Variants in GNG7 observed in about 807,000 individuals in gnomAD.
GNG7 encodes guanine nucleotide-binding protein G(I)/G(S)/G(O) subunit gamma-7.
In GNG7, 1 loss-of-function variant was observed where a neutral mutation model predicts 4.0. The ratio of observed to expected loss-of-function variants is 0.25; its 90% CI spans 0.09 to 1.18. The LOEUF (loss-of-function observed/expected upper bound fraction) is 1.18. Ranked by LOEUF, GNG7 falls within the 50% of genes most tolerant of loss-of-function variation. The probability of loss-of-function intolerance (pLI) is 0.50; values close to 1 mark genes in which losing one functional copy is unlikely to be tolerated. For synonymous variants in GNG7, 34 were observed against 36.9 expected (o/e 0.92, Z 0.29); for missense variants, 86 against 91.9 (o/e 0.94, Z 0.26).
chr19:2,683,028 C>T (rs191979790), intron 1 of GNG7, among the ~76,000 whole-genome samples: 152 of 151,930 alleles, frequency 1.0e-3, no homozygotes, highest in African/African-American at 3.5e-3. Context: ...GTCAGGAGAT[C>T]GAGACCAGCC....
intron 2 of GNG7, chr19:2,643,880 G>A (rs1409832977): frequency 1.5e-5 from 5 of 341,118 alleles, no homozygotes; most frequent in South Asian, 9.1e-5. Flanking sequence ...GCCTCCAGGC[G>A]ACCTCTGATC....
At chr19:2,523,404 T>A (rs1978320132) in intron 3 of GNG7, among the ~76,000 whole-genome samples, 1 of 151,714 alleles carries the variant, frequency 6.6e-6, no homozygotes, top group African/African-American at 2.4e-5. Flanking sequence ...ATTAGAAAAT[T>A]AGCTGGGCAT....
intron 2 of GNG7, among the ~76,000 whole-genome samples, chr19:2,586,929 G>A (rs981279812): frequency 2.1e-5 from 3 of 143,248 alleles, no homozygotes; most frequent in Non-Finnish European, 4.5e-5. Context: ...AGGTTGCAGT[G>A]AGCAGAGATT....
intron 1 of GNG7, among the ~76,000 whole-genome samples, chr19:2,687,504 T>C (rs1422789601): frequency 2.0e-5 from 3 of 151,670 alleles, no homozygotes; most frequent in Non-Finnish European, 4.4e-5. Flanking sequence ...TAATCCCAGC[T>C]AGTTGGGAGG....
chr19:2,575,919 A>G (rs1980319247), intron 2 of GNG7, among the ~76,000 whole-genome samples: 1 of 146,520 alleles, frequency 6.8e-6, no homozygotes, highest in South Asian at 2.1e-4. Context: ...AGGCATACAC[A>G]GACACACAGG....
chr19:2,690,492 C>T (rs1913112935), intron 1 of GNG7, among the ~76,000 whole-genome samples: 1 of 152,206 alleles, frequency 6.6e-6, no homozygotes, highest in African/African-American at 2.4e-5. Context: ...GTTACTGACT[C>T]CTGGACTGGA....
chr19:2,700,392 C>A (rs867314673), intron 1 of GNG7, among the ~76,000 whole-genome samples: 2 of 152,214 alleles, frequency 1.3e-5, no homozygotes, highest in Non-Finnish European at 2.9e-5. Context: ...ATCCACCCGC[C>A]TCGGCCTCCC....
intron 1 of GNG7, among the ~76,000 whole-genome samples, chr19:2,679,404 A>G (rs1441322929): frequency 6.6e-6 from 1 of 152,144 alleles, no homozygotes; most frequent in African/African-American, 2.4e-5. Flanking sequence ...GATTCCAGCA[A>G]TAACAGTGAT....
At chr19:2,631,880 C>G (rs1257979841) in intron 2 of GNG7, 1 of 152,234 alleles carries the variant, frequency 6.6e-6, no homozygotes, top group Non-Finnish European at 1.5e-5. Context: ...TAAAATGAAG[C>G]CGACTGACCC....
chr19:2,569,497 G>A (rs181137257), intron 2 of GNG7, among the ~76,000 whole-genome samples: 43 of 152,166 alleles, frequency 2.8e-4, no homozygotes, highest in African/African-American at 9.6e-4. Flanking sequence ...GGATGGTCTC[G>A]ATCTCCTGAC....
Position 2,634,388 on chromosome 19 carries a change from G to A in GNG7, c.-78+11836C>T, listed in dbSNP as rs1184297964. The stretch of plus-strand genomic sequence containing the variant: ...CCAGAAATTGCTCAGTGTCCCCGGG[G>A]TTGGGGGTGGGGGGCGGCATCACCC... On this transcript the variant is annotated intron_variant, in intron 2 of 4. Transcript: ENST00000382159. This position sits in a 1 kb window ranked among gnomAD's most constrained non-coding sequence, Gnocchi z 5.3. 1.3e-5 allele frequency among the ~76,000 whole-genome samples: 2 copies of A among 152,168 alleles called. No individual in the cohort carries two copies. The highest frequency in any genetic ancestry group is 1.3e-4 in the Admixed American group (2 of 15,276).
intron 2 of GNG7, among the ~76,000 whole-genome samples, chr19:2,627,828 G>A (rs964935700): frequency 2.0e-4 from 30 of 152,160 alleles, no homozygotes; most frequent in Admixed American, 1.9e-3. Flanking sequence ...GGTCCTGGTC[G>A]CAGACACAGA....
Position 2,515,162 on chromosome 19 carries a change from A to G in GNG7, c.82-15T>C. The G allele has an allele frequency of 5.0e-6, 8 of 1,613,452 alleles. No homozygotes were observed. Among genetic ancestry groups the G allele is most frequent in the Non-Finnish European group, 6.8e-6 (8 of 1,179,936 alleles). Reference sequence around the variant, plus strand: ...GCTTTGGAGACCTGTGTTTGAGCACAAGGAGGAGACAGAGGAGACATAAGA... The same window carrying G: ...GCTTTGGAGACCTGTGTTTGAGCACGAGGAGGAGACAGAGGAGACATAAGA... On this transcript the variant is annotated splice_polypyrimidine_tract_variant and intron_variant, in intron 4 of 4. Coordinates refer to ENST00000382159, the MANE Select transcript of GNG7 (RefSeq NM_052847.3).
chr19:2,590,610 CATCCATCT>C (rs923145148), intron 2 of GNG7, among the ~76,000 whole-genome samples: 4 of 127,870 alleles, frequency 3.1e-5, no homozygotes, highest in Admixed American at 2.4e-4. Flanking sequence ...CCCACCCATC[CATCCATCT>C]ATCCATTCAT....
At chr19:2,581,557 C>A (rs933718282) in intron 2 of GNG7, among the ~76,000 whole-genome samples, 1 of 152,150 alleles carries the variant, frequency 6.6e-6, no homozygotes, top group African/African-American at 2.4e-5. Flanking sequence ...GCCAGGACGC[C>A]TGCAGCCAAG....
chr19:2,536,274 T>C (rs9749011), intron 3 of GNG7, among the ~76,000 whole-genome samples: 118,475 of 151,754 alleles, frequency 0.78, 46,319 homozygotes, highest in South Asian at 0.85. Flanking sequence ...AAACAGTAGC[T>C]GGGTGTGGTG....
chr19:2,657,669 T>C (rs551800650), intron 1 of GNG7, among the ~76,000 whole-genome samples: 3 of 151,830 alleles, frequency 2.0e-5, no homozygotes, highest in East Asian at 1.9e-4. Context: ...CTGGGCAACA[T>C]AGCAAGACAC....
intron 2 of GNG7, among the ~76,000 whole-genome samples, chr19:2,600,133 A>G (rs1981155024): frequency 6.6e-6 from 1 of 151,696 alleles, no homozygotes; most frequent in South Asian, 2.1e-4. Context: ...AGGCCCTTAA[A>G]CAGCTTGTGT....
At chr19:2,555,788 C>A (rs938397801) in intron 2 of GNG7, among the ~76,000 whole-genome samples, 1 of 151,986 alleles carries the variant, frequency 6.6e-6, no homozygotes. Flanking sequence ...CTCCGGGGGT[C>A]GGGGCGGTTG....
Sources: allele counts gnomAD v4.1 joint callset (sites outside exome capture counted in the v4.1 genomes callset), GRCh38; gene constraint gnomAD v4.1.1; non-coding constraint Gnocchi (gnomAD v3.1); transcripts MANE v1.5; gene names NCBI Gene and HGNC (gene_info 2026-07-23, HGNC 2026-07-21).